The following ATP1B3 variants were observed in gnomAD, a reference collection of about 807,000 sequenced individuals.
ATP1B3 encodes ATPase Na+/K+ transporting subunit beta 3.
Under a neutral mutation model 30.2 loss-of-function variants are expected in ATP1B3, and 10 were observed. The ratio of observed to expected loss-of-function variants is 0.33; its 90% confidence interval spans 0.20 to 0.56. The LOEUF is 0.56. ATP1B3 is among the 20% of genes least tolerant of loss of function. The pLI, the probability that ATP1B3 is intolerant of heterozygous loss-of-function variation, is 0.90. For missense variants in ATP1B3, 238 were observed against 336.7 expected, an observed-to-expected ratio of 0.71 and a Z score of 2.29; for synonymous variants, 113 against 117.0, an observed-to-expected ratio of 0.97 and a Z score of 0.22.
Position 141,880,254 on chromosome 3 carries a change from G to A in ATP1B3, c.109+3344G>A, listed in dbSNP as rs1024839156. Among the ~76,000 whole-genome samples the A allele has an allele frequency of 1.2e-4, 18 of 152,250 alleles. No individual in the cohort carries two copies. The South Asian group carries it at 2.5e-3, about 21-fold the overall frequency. On this transcript the variant is annotated intron_variant, in intron 1 of 6. Coordinates refer to ENST00000286371, the MANE Select transcript of ATP1B3 (RefSeq NM_001679.4). ...AGCTACGTAAAGATTTTGAGTGGCC[G>A]CTTTACTGTGTATTTGGCTAATATC...
intron 1 of ATP1B3, among the ~76,000 whole-genome samples, chr3:141,884,345 T>C (rs1353844070): frequency 6.6e-6 from 1 of 152,184 alleles, no homozygotes; most frequent in East Asian, 1.9e-4. Context: ...AGTATCTGGC[T>C]CATAAAAAGT....
intron 3 of ATP1B3, among the ~76,000 whole-genome samples, chr3:141,912,064 A>G (rs1199891448): frequency 6.6e-6 from 1 of 152,188 alleles, no homozygotes; most frequent in Non-Finnish European, 1.5e-5. Context: ...GTTGGATGTC[A>G]TGATGCTGTT....
chr3:141,908,785 C>G (rs1934306994), intron 3 of ATP1B3, among the ~76,000 whole-genome samples: 1 of 152,214 alleles, frequency 6.6e-6, no homozygotes, highest in Admixed American at 6.5e-5. Flanking sequence ...ACAACTCACT[C>G]TCTTCATATA....
rs1360660255 is a variant in ATP1B3 at position 141,876,714 on chromosome 3, T to TGCGCCGCCGGAGCCGGGAC, written c.-82_-64dup. On this transcript the variant is annotated 5_prime_UTR_variant, in exon 1 of 7. Coordinates refer to ENST00000286371, the MANE Select transcript of ATP1B3 (RefSeq NM_001679.4). The stretch of plus-strand genomic sequence containing the variant: ...CCACCCTTCACTGCCGTCTCCGGGC[T>TGCGCCGCCGGAGCCGGGAC]GCGCCGCCGGAGCCGGGACGCGCCT... 3.4e-5 allele frequency: 34 copies of TGCGCCGCCGGAGCCGGGAC among 996,592 alleles called. No homozygotes were observed. In the East Asian group the frequency reaches 8.8e-4, roughly 26 times the overall value. The allele number at this position is 996,592 out of a possible 1,614,324, so 61.7% of individuals were successfully genotyped here.
At chr3:141,902,963 G>T (rs1934191739) in intron 1 of ATP1B3, 1 of 151,944 alleles carries the variant, frequency 6.6e-6, no homozygotes, top group Non-Finnish European at 1.5e-5. Flanking sequence ...TGTCATCCTT[G>T]CACAAGGGCC....
chr3:141,916,142 T>TTGG, intron 5 of ATP1B3, 122 bp downstream of exon 5: 1 of 778,596 alleles, frequency 1.3e-6, no homozygotes, highest in Non-Finnish European at 2.0e-6. Context: ...TTGTAGTGCC[T>TTGG]TAGAATAAAA....
At chr3:141,900,856 C>T (rs1934148733) in intron 1 of ATP1B3, among the ~76,000 whole-genome samples, 1 of 152,134 alleles carries the variant, frequency 6.6e-6, no homozygotes, top group Non-Finnish European at 1.5e-5. Context: ...AGTCTCGGCT[C>T]ACTGCAGCCT....
chr3:141,917,894 A>G (rs1006205200), intron 5 of ATP1B3, among the ~76,000 whole-genome samples: 2 of 151,576 alleles, frequency 1.3e-5, no homozygotes, highest in Non-Finnish European at 2.9e-5. Flanking sequence ...CAGCCTCCCA[A>G]GTAACTGGGA....
intron 3 of ATP1B3, among the ~76,000 whole-genome samples, chr3:141,910,591 A>C (rs961135166): frequency 1.3e-5 from 2 of 151,732 alleles, no homozygotes; most frequent in African/African-American, 4.8e-5. Flanking sequence ...TGACTTCCTT[A>C]TTTGTAAACT....
intron 3 of ATP1B3, among the ~76,000 whole-genome samples, chr3:141,909,738 G>A (rs1207941848): frequency 2.0e-5 from 3 of 152,166 alleles, no homozygotes; most frequent in African/African-American, 4.8e-5. Context: ...CCATTGTTAA[G>A]TTCTTTGGCT....
chr3:141,892,987 C>G (rs1933987327), intron 1 of ATP1B3, among the ~76,000 whole-genome samples: 1 of 152,112 alleles, frequency 6.6e-6, no homozygotes. Flanking sequence ...CAGATCTCTG[C>G]TCACCATTGC....
intron 1 of ATP1B3, among the ~76,000 whole-genome samples, chr3:141,885,894 C>CAG (rs1933820881): frequency 6.7e-6 from 1 of 148,874 alleles, no homozygotes; most frequent in Non-Finnish European, 1.5e-5. Flanking sequence ...CACACACACA[C>CAG]ACACACACAC....
intron 1 of ATP1B3, among the ~76,000 whole-genome samples, chr3:141,892,663 A>AAC (rs1382308947): frequency 9.2e-5 from 14 of 151,376 alleles, no homozygotes; most frequent in Non-Finnish European, 1.8e-4. Flanking sequence ...AAAAAAAAAA[A>AAC]AAAAAAAAAA....
chr3:141,906,943 G>A (rs1409383963), intron 2 of ATP1B3, among the ~76,000 whole-genome samples: 1 of 152,022 alleles, frequency 6.6e-6, no homozygotes, highest in African/African-American at 2.4e-5. Flanking sequence ...CCAAATTTAG[G>A]GACAGTTTCT....
In ATP1B3 at chr3:141,925,329, G is replaced by A. The variant is rs201667901; in HGVS notation, c.670-202G>A. 1.4e-4 allele frequency among the ~76,000 whole-genome samples: 22 copies of A among 152,138 alleles called. No individual in the cohort carries two copies. In the East Asian group the frequency reaches 3.1e-3, roughly 21 times the overall value. The stretch of plus-strand genomic sequence containing the variant: ...AATTTAAAAATTAGTGGGCTGTGGC[G>A]GCATGTGCCTATAGTCCCAGCTACT... On this transcript the variant is annotated intron_variant, in intron 6 of 6. Transcript: ENST00000286371.
chr3:141,911,294 T>C (rs546085033), intron 3 of ATP1B3, among the ~76,000 whole-genome samples: 81 of 152,278 alleles, frequency 5.3e-4, no homozygotes, highest in South Asian at 2.7e-3. Flanking sequence ...CAACTCCTTT[T>C]TGGTTTTTAA....
intron 5 of ATP1B3, among the ~76,000 whole-genome samples, chr3:141,919,495 CAG>C (rs1372335206): frequency 6.6e-6 from 1 of 151,938 alleles, no homozygotes; most frequent in African/African-American, 2.4e-5. Flanking sequence ...ATTTTTTTCT[CAG>C]TGTTTTATTT....
At position 141,910,782 on chromosome 3, in the gene ATP1B3, C is replaced by CA. The variant is rs1167560088; in HGVS notation, c.347-2870_347-2869insA. On this transcript the variant is annotated intron_variant, in intron 3 of 6. Transcript: ENST00000286371. The stretch of plus-strand genomic sequence containing the variant: ...TTTCTTGGCTCTTGCCCTGCCCCCC[C>CA]CTTTTTTTTAATTATTTTTATTTTT... 2.0e-5 allele frequency among the ~76,000 whole-genome samples: 3 copies of CA among 147,700 alleles called. No individual in the cohort carries two copies. The East Asian group carries it at 5.9e-4, about 29-fold the overall frequency.
At chr3:141,903,194 T>G (rs911296411) in intron 1 of ATP1B3, among the ~76,000 whole-genome samples, 1 of 152,222 alleles carries the variant, frequency 6.6e-6, no homozygotes. Flanking sequence ...CTGTGAAATA[T>G]GCGTTTCATG....
Sources: allele counts gnomAD v4.1 joint callset (sites outside exome capture counted in the v4.1 genomes callset), GRCh38; gene constraint gnomAD v4.1.1; transcripts MANE v1.5; gene names NCBI Gene and HGNC (gene_info 2026-07-23, HGNC 2026-07-21).